Variants in CARD14 observed in about 807,000 individuals in gnomAD.
The protein encoded by CARD14 is caspase recruitment domain-containing protein 14.
A neutral mutation model predicts 111.5 loss-of-function variants in CARD14; 107 were observed. The observed-to-expected ratio is 0.96, with a 90% CI of 0.82 to 1.13. CARD14 has a LOEUF of 1.13. Among genes scored for constraint, CARD14 ranks in the 50% most tolerant of loss-of-function variants. The pLI is 0.00. For missense variants in CARD14, 1,322 were observed against 1,362.3 expected (o/e 0.97, Z 0.47); for synonymous variants, 617 against 579.6 (o/e 1.06, Z -0.93).
intron 19 of CARD14, 31 bp from the exon 20 acceptor site, chr17:80,204,196 C>T (rs1291673466): frequency 1.3e-6 from 2 of 1,557,208 alleles, no homozygotes; most frequent in South Asian, 2.4e-5. Flanking sequence ...TTCAACAGCT[C>T]CTCCTCATCC....
intron 21 of CARD14, 159 bp from the exon 22 acceptor site, chr17:80,205,372 C>T: frequency 4.2e-6 from 5 of 1,179,706 alleles, no homozygotes; most frequent in Admixed American, 2.2e-5. Context: ...GTGCAGGGCA[C>T]AGAGCGGGGT....
intron 22 of CARD14, 195 bp downstream of exon 22, chr17:80,205,847 G>A (rs2041271074): frequency 2.0e-6 from 1 of 511,896 alleles, no homozygotes; most frequent in Admixed American, 3.6e-5. Flanking sequence ...CTGTGGGTGA[G>A]GTCTCCCAAC....
At position 80,191,333 on chromosome 17, in the gene CARD14, C is replaced by A. The variant is rs549747651; in HGVS notation, c.1100C>A (p.Ala367Glu). 5 of 1,612,992 alleles carry A rather than the reference C, an allele frequency of 3.1e-6. No homozygotes were observed. The highest frequency in any genetic ancestry group is 4.2e-6 in the Non-Finnish European group (5 of 1,179,382). The change falls in exon 11 of 24, where the codon GCG becomes GAG. Residue 367 changes from alanine to glutamate, a missense_variant. Ala to Glu is a moderately radical substitution (Grantham distance 107, BLOSUM62 -1). Transcript: ENST00000648509. ...CGTCGTGGCCCACAGGCGTACTCCG[C>A]GAGGGACAGTGCTCAGAGGGAGATT... ...LQKERDQAYS[A>E]RDSAQREISQ...
At chr17:80,172,547 G>A (rs2039925506) in intron 1 of CARD14, among the ~76,000 whole-genome samples, 1 of 152,222 alleles carries the variant, frequency 6.6e-6, no homozygotes, top group African/African-American at 2.4e-5. Flanking sequence ...TCGGGGCTGA[G>A]GGGAGCAGGA....
intron 16 of CARD14, among the ~76,000 whole-genome samples, chr17:80,199,707 C>T (rs1224904414): frequency 4.1e-5 from 6 of 147,996 alleles, no homozygotes; most frequent in Non-Finnish European, 8.9e-5. Flanking sequence ...GGTGAAACCC[C>T]GTTTCTACTA....
At position 80,208,691 on chromosome 17, in the gene CARD14, C is replaced by T. The variant is rs2041490877; in HGVS notation, c.*346C>T. 2 of 236,512 alleles carry T rather than the reference C, an allele frequency of 8.5e-6. No individual in the cohort carries two copies. The highest frequency in any genetic ancestry group is 1.6e-5 in the Non-Finnish European group (2 of 123,072). 14.7% of individuals were successfully genotyped at this position (236,512 alleles called of 1,614,324 possible). ...CGGACTTCTCTGGAAAACCGCCTGT[C>T]TGCAGGCCCGATTCAAATCTATGGG... On this transcript the variant is annotated 3_prime_UTR_variant, in exon 24 of 24. Transcript: ENST00000648509.
chr17:80,207,813 C>T (rs2041420100), intron 23 of CARD14: 1 of 294,542 alleles, frequency 3.4e-6, no homozygotes, highest in East Asian at 5.6e-5. Context: ...TCCACTGACC[C>T]TCCACTTACT....
rs575242564 is a variant in CARD14 at position 80,183,827 on chromosome 17, C to T, written c.350-86C>T. On this transcript the variant is annotated intron_variant, in intron 6 of 23. Transcript: ENST00000648509. ...GCTCACCTGCCCACATGCTCACCTG[C>T]CCACCTGCTCACCTGCTCACCTACC... 1.7e-4 allele frequency: 189 copies of T among 1,142,682 alleles called. No homozygotes were observed. The South Asian group carries it at 2.8e-3, about 17-fold the overall frequency. 70.8% of individuals were successfully genotyped at this position (1,142,682 alleles called of 1,614,324 possible).
At chr17:80,190,446 C>A (rs2040486533) in intron 9 of CARD14, among the ~76,000 whole-genome samples, 1 of 152,016 alleles carries the variant, frequency 6.6e-6, no homozygotes, top group Non-Finnish European at 1.5e-5. Context: ...AACCCTGTCT[C>A]TACTAAAAAT....
intron 1 of CARD14, among the ~76,000 whole-genome samples, chr17:80,171,545 G>A (rs1232103656): frequency 6.6e-6 from 1 of 152,036 alleles, no homozygotes; most frequent in Non-Finnish European, 1.5e-5. Flanking sequence ...TTTACACTGG[G>A]ACAAGTTACA....
At chr17:80,202,616 A>G in intron 18 of CARD14, 196 bp downstream of exon 18, 1 of 1,423,584 alleles carries the variant, frequency 7.0e-7, no homozygotes, top group Non-Finnish European at 9.2e-7. Context: ...TTGCAAATGA[A>G]ATGTTCATTC....
intron 1 of CARD14, among the ~76,000 whole-genome samples, chr17:80,170,765 C>CGCCCCTCCCCTCCCG (rs1364767696): frequency 3.5e-5 from 3 of 85,398 alleles, no homozygotes; most frequent in Admixed American, 1.2e-4. Context: ...TCTCTGGGCC[C>CGCCCCTCCCCTCCCG]TCCCCTCCCC....
chr17:80,182,666 T>G lies in CARD14; in HGVS notation c.225T>G (p.Asp75Glu). 1 of 1,614,064 alleles carries G rather than the reference T, an allele frequency of 6.2e-7. No homozygotes were observed. Among genetic ancestry groups the G allele is most frequent in the Non-Finnish European group, 8.5e-7 (1 of 1,179,994 alleles). The stretch of plus-strand genomic sequence containing the variant: ...CTGCCTCCCAAGGGCACTTGCTGGA[T>G]TTGCTGAAGACTCGAGGGAAGAACG... ...NSAMRAGHLL[D>E]LLKTRGKNGA... Residue 75 changes from aspartate to glutamate, a missense_variant, in exon 6 of 24, where the codon GAT becomes GAG. Asp to Glu is a conservative substitution (Grantham distance 45, BLOSUM62 2). Coordinates refer to ENST00000648509, the MANE Select transcript of CARD14 (RefSeq NM_001366385.1). The surrounding 1 kb of genome is among the most constrained non-coding windows in gnomAD (Gnocchi z 4.7).
At chr17:80,170,609 A>G (rs2039872945) in intron 1 of CARD14, 1 of 152,154 alleles carries the variant, frequency 6.6e-6, no homozygotes, top group Non-Finnish European at 1.5e-5. Context: ...CTGGCAAGGG[A>G]AGAGACTGAC....
In CARD14 at chr17:80,198,317, C is replaced by T; in HGVS notation, c.1659-82C>T. On this transcript the variant is annotated intron_variant, in intron 15 of 23. Coordinates refer to ENST00000648509, the MANE Select transcript of CARD14 (RefSeq NM_001366385.1). This position sits in a 1 kb window ranked among gnomAD's most constrained non-coding sequence, Gnocchi z 7.5. Reference sequence around the variant, plus strand: ...GGAGGAGAATTCCAGAACACTGGGGCCAGAGGGAAGCAATGGGGAGGTGGC... The same window carrying T: ...GGAGGAGAATTCCAGAACACTGGGGTCAGAGGGAAGCAATGGGGAGGTGGC... The T allele has an allele frequency of 6.4e-7, 1 of 1,562,890 alleles. No individual in the cohort carries two copies. The highest frequency in any genetic ancestry group is 1.2e-5 in the South Asian group (1 of 84,172).
intron 9 of CARD14, among the ~76,000 whole-genome samples, chr17:80,190,223 G>T (rs184434620): frequency 6.6e-6 from 1 of 152,224 alleles, no homozygotes; most frequent in Admixed American, 6.5e-5. Context: ...CATTAAAAAC[G>T]CAAAACACAA....
Position 80,203,855 on chromosome 17 carries a change from C to T in CARD14, c.2253C>T (p.Asp751=), listed in dbSNP as rs1567900925. ...AGCAGCTCATAGCCCTCATCCAGGA[C>T]ATGACTCAGCAGTGCACCGTGACCC... The part of the protein sequence containing the change: ...AQQQLIALIQ[D]MTQQCTVTRK... Residue 751 remains aspartate (D), a synonymous_variant, in exon 19 of 24, where the codon GAC becomes GAT. Coordinates refer to ENST00000648509, the MANE Select transcript of CARD14 (RefSeq NM_001366385.1). The surrounding 1 kb of genome is among the most constrained non-coding windows in gnomAD (Gnocchi z 4.6). The T allele has an allele frequency of 6.3e-7, 1 of 1,595,364 alleles. No homozygotes were observed. Among genetic ancestry groups the T allele is most frequent in the Non-Finnish European group, 8.5e-7 (1 of 1,171,840 alleles).
intron 20 of CARD14, 31 bp from the exon 21 acceptor site, chr17:80,205,004 T>A: frequency 6.6e-7 from 1 of 1,519,480 alleles, no homozygotes; most frequent in Non-Finnish European, 8.9e-7. Context: ...TGCCGCAGCC[T>A]CACCCACCCT....
Position 80,198,330 on chromosome 17 carries a change from A to C in CARD14, c.1659-69A>C, listed in dbSNP as rs188386976. The C allele has an allele frequency of 6.4e-7, 1 of 1,561,536 alleles. No individual in the cohort carries two copies. ...AGAACACTGGGGCCAGAGGGAAGCA[A>C]TGGGGAGGTGGCCTTGCCGGCTCTC... On this transcript the variant is annotated intron_variant, in intron 15 of 23. Coordinates refer to ENST00000648509, the MANE Select transcript of CARD14 (RefSeq NM_001366385.1). This position sits in a 1 kb window ranked among gnomAD's most constrained non-coding sequence, Gnocchi z 7.5.
Sources: gnomAD v4.1 joint callset for allele counts (sites outside exome capture counted in the v4.1 genomes callset) on GRCh38, gnomAD v4.1.1 for gene constraint, Gnocchi (gnomAD v3.1) non-coding constraint, MANE v1.5 for transcripts, NCBI Gene and HGNC (gene_info 2026-07-23, HGNC 2026-07-21) for gene names.